Variants in TOMM20 observed in about 807,000 individuals in gnomAD.
The protein encoded by TOMM20 is translocase of outer mitochondrial membrane 20.
Under a neutral mutation model 22.1 loss-of-function variants are expected in TOMM20, and 10 were observed. That is an observed-to-expected ratio of 0.45 (90% CI 0.28 to 0.77). The LOEUF is 0.77. Ranked by LOEUF, TOMM20 falls within the 30% of genes least tolerant of loss-of-function variation. TOMM20 has a pLI of 0.13. For synonymous variants in TOMM20, 55 were observed against 61.4 expected (o/e 0.90, Z 0.49); for missense variants, 121 against 172.2 (o/e 0.70, Z 1.66).
chr1:235,117,134 CAAAAAAAAAAAAAAAAA>C (rs869235889), intron 3 of TOMM20, among the ~76,000 whole-genome samples: 66 of 30,388 alleles, frequency 2.2e-3, no homozygotes, highest in African/African-American at 7.8e-3. Context: ...GACTCCATCT[CAAAAAAAAAAAAAAAAA>C]AAAAAAAAAA....
rs758539736 is a variant in TOMM20 at position 235,111,258 on chromosome 1, A to G, written c.*806T>C. Reference sequence around the variant, plus strand: ...ACATTCCTCAGGTTAAGGTGGATTTAAAGATGCCCAACAGAACCCAATGAA... The same window carrying G: ...ACATTCCTCAGGTTAAGGTGGATTTGAAGATGCCCAACAGAACCCAATGAA... On this transcript the variant is annotated 3_prime_UTR_variant, in exon 5 of 5. Coordinates refer to ENST00000366607, the MANE Select transcript of TOMM20 (RefSeq NM_014765.3). 1.3e-5 allele frequency: 2 copies of G among 152,244 alleles called. No homozygotes were observed. Among genetic ancestry groups the G allele is most frequent in the African/African-American group, 2.4e-5 (1 of 41,466 alleles). The allele number at this position is 152,244 out of a possible 1,614,324, so 9.4% of individuals were successfully genotyped here.
intron 1 of TOMM20, among the ~76,000 whole-genome samples, chr1:235,122,918 CA>C (rs1660951508): frequency 6.6e-6 from 1 of 152,132 alleles, no homozygotes; most frequent in Non-Finnish European, 1.5e-5. Flanking sequence ...ACCAGTCACT[CA>C]AGGATACTGA....
intron 4 of TOMM20, 37 bp from the exon 5 acceptor site, chr1:235,112,145 A>C (rs1660750229): frequency 6.6e-7 from 1 of 1,510,214 alleles, no homozygotes; most frequent in East Asian, 2.3e-5. Context: ...AAAGTGTCAT[A>C]AGCATTTAAT....
In TOMM20 at chr1:235,126,142, C is replaced by G. The variant is rs117291769; in HGVS notation, c.121+2453G>C. 1.2e-4 allele frequency among the ~76,000 whole-genome samples: 18 copies of G among 151,184 alleles called. No homozygotes were observed. The East Asian group carries it at 1.8e-3, about 15-fold the overall frequency. On this transcript the variant is annotated intron_variant, in intron 1 of 4. Coordinates refer to ENST00000366607, the MANE Select transcript of TOMM20 (RefSeq NM_014765.3). ...ATATAAAGACACACACACACACACA[C>G]GTATATTTTGGAGACAGAGTCTTGC...
rs869235889 is a variant in TOMM20 at position 235,117,134 on chromosome 1, CAAAAAAAAAAAA to C, written c.250+2672_250+2683del. On this transcript the variant is annotated intron_variant, in intron 3 of 4. Transcript: ENST00000366607. ...TGGGCGACAGAGCGAGACTCCATCT[CAAAAAAAAAAAA>C]AAAAAAAAAAAAAAAAAAAGAGTAA... Among the ~76,000 whole-genome samples the C allele has an allele frequency of 2.3e-3, 70 of 30,392 alleles. 1 individual carries two copies. Among genetic ancestry groups the C allele is most frequent in the South Asian group, 0.014 (5 of 356 alleles). The allele number at this position is 30,392 out of a possible 152,430, so 19.9% of individuals were successfully genotyped here.
At chr1:235,113,469 C>T (rs1032344847) in intron 4 of TOMM20, among the ~76,000 whole-genome samples, 1 of 152,128 alleles carries the variant, frequency 6.6e-6, no homozygotes, top group Non-Finnish European at 1.5e-5. Flanking sequence ...AGGCAGAAAG[C>T]TACTTGTAGA....
intron 3 of TOMM20, among the ~76,000 whole-genome samples, chr1:235,118,071 T>C (rs1660864284): frequency 6.6e-6 from 1 of 152,232 alleles, no homozygotes; most frequent in Non-Finnish European, 1.5e-5. Flanking sequence ...TGCTTCTGAA[T>C]ACATACTATA....
intron 3 of TOMM20, among the ~76,000 whole-genome samples, chr1:235,118,629 G>A (rs573580055): frequency 6.6e-6 from 1 of 152,264 alleles, no homozygotes; most frequent in East Asian, 1.9e-4. Context: ...TGGGTTCAAG[G>A]TATCCTCCTA....
At chr1:235,126,820 A>T (rs1330843986) in intron 1 of TOMM20, among the ~76,000 whole-genome samples, 1 of 152,114 alleles carries the variant, frequency 6.6e-6, no homozygotes, top group South Asian at 2.1e-4. Flanking sequence ...ACAACAAAAA[A>T]TCTCTAGCAT....
In TOMM20 at chr1:235,128,648, TAGATGC is replaced by T; in HGVS notation, c.62_67del (p.Cys21_Ile22del). ...GTCACTTCGTCTTTTGCGGTCGAAG[TAGATGC>T]AGTACCCAATGAAAAGGGCCCCGCA... On this transcript the variant is annotated inframe_deletion, in exon 1 of 5. Transcript: ENST00000366607. The T allele has an allele frequency of 6.2e-7, 1 of 1,613,876 alleles. No individual in the cohort carries two copies. Among genetic ancestry groups the T allele is most frequent in the Non-Finnish European group, 8.5e-7 (1 of 1,179,946 alleles).
rs1660740085 is a variant in TOMM20 at position 235,111,669 on chromosome 1, A to G, written c.*395T>C. The G allele has an allele frequency of 6.2e-6, 1 of 161,182 alleles. No homozygotes were observed. Among genetic ancestry groups the G allele is most frequent in the Non-Finnish European group, 1.3e-5 (1 of 74,334 alleles). 10.0% of individuals were successfully genotyped at this position (161,182 alleles called of 1,614,324 possible). A position where few individuals can be genotyped will look rare whatever the true frequency, so the allele number is the denominator to read the frequency against. ...ATCAAATTTCCAGATTTACAGCAAAATGTGCCCTCTAAAAAAGTGTACATT... is the reference window on the plus strand; with the variant it reads ...ATCAAATTTCCAGATTTACAGCAAAGTGTGCCCTCTAAAAAAGTGTACATT... On this transcript the variant is annotated 3_prime_UTR_variant, in exon 5 of 5. Coordinates refer to ENST00000366607, the MANE Select transcript of TOMM20 (RefSeq NM_014765.3).
At chr1:235,126,124 G>GACAC (rs145614680) in intron 1 of TOMM20, among the ~76,000 whole-genome samples, 7 of 148,816 alleles carry the variant, frequency 4.7e-5, no homozygotes, top group African/African-American at 9.9e-5. Flanking sequence ...TATATATAAA[G>GACAC]ACACACACAC....
At position 235,114,439 on chromosome 1, in the gene TOMM20, C is replaced by CTT. The variant is rs67573955; in HGVS notation, c.251-531_251-530dup. On this transcript the variant is annotated intron_variant, in intron 3 of 4. Transcript: ENST00000366607. ...CTCTGAGTGGGAGGGCTTATTTTTT[C>CTT]TTTTTTTTTTTTTTTTTGAGACAGA... 2.0e-3 allele frequency among the ~76,000 whole-genome samples: 262 copies of CTT among 131,578 alleles called. 2 individuals carry two copies. The highest frequency in any genetic ancestry group is 4.7e-3 in the African/African-American group (168 of 35,746). 86.3% of individuals were successfully genotyped at this position (131,578 alleles called of 152,430 possible).
intron 1 of TOMM20, among the ~76,000 whole-genome samples, chr1:235,122,977 T>C (rs1660952020): frequency 6.6e-6 from 1 of 152,118 alleles, no homozygotes; most frequent in Non-Finnish European, 1.5e-5. Context: ...ACCAATGACA[T>C]AGAGAGTAAC....
At chr1:235,120,375 C>T (rs534514740) in intron 2 of TOMM20, among the ~76,000 whole-genome samples, 14 of 151,854 alleles carry the variant, frequency 9.2e-5, no homozygotes, top group East Asian at 2.0e-4. Flanking sequence ...CGGATTCAAG[C>T]GATTCTCCTG....
chr1:235,113,593 T>A (rs982333767), intron 4 of TOMM20, among the ~76,000 whole-genome samples, 175 bp downstream of exon 4: 2 of 152,226 alleles, frequency 1.3e-5, no homozygotes, highest in African/African-American at 4.8e-5. Context: ...ATCTGGGCAG[T>A]CATCTGGATG....
At chr1:235,123,489 AAG>A (rs1660963122) in intron 1 of TOMM20, among the ~76,000 whole-genome samples, 1 of 152,098 alleles carries the variant, frequency 6.6e-6, no homozygotes. Context: ...TGTCTCAAAA[AAG>A]AGGTCTCCCT....
At chr1:235,125,564 T>C (rs1390568456) in intron 1 of TOMM20, among the ~76,000 whole-genome samples, 1 of 152,000 alleles carries the variant, frequency 6.6e-6, no homozygotes, top group African/African-American at 2.4e-5. Context: ...GCTACATGCC[T>C]TATGTGAAAA....
chr1:235,109,512 TAA>T lies in TOMM20; in HGVS notation c.*2550_*2551del, dbSNP rs1181003446. On this transcript the variant is annotated 3_prime_UTR_variant, in exon 5 of 5. Coordinates refer to ENST00000366607, the MANE Select transcript of TOMM20 (RefSeq NM_014765.3). ...CACTCTGGTCCACATGTTGATTTAA[TAA>T]AGTCAGAATGGCAGGTGGGAGGATG... 6.6e-6 allele frequency: 1 copy of T among 152,230 alleles called. No homozygotes were observed. The highest frequency in any genetic ancestry group is 2.4e-5 in the African/African-American group (1 of 41,462). 9.4% of individuals were successfully genotyped at this position (152,230 alleles called of 1,614,324 possible). A position where few individuals can be genotyped will look rare whatever the true frequency, so the allele number is the denominator to read the frequency against.
Sources: gnomAD v4.1 joint callset for allele counts (sites outside exome capture counted in the v4.1 genomes callset) on GRCh38, gnomAD v4.1.1 for gene constraint, MANE v1.5 for transcripts, NCBI Gene and HGNC (gene_info 2026-07-23, HGNC 2026-07-21) for gene names.